The following FBN1 variants were observed in gnomAD, a reference collection of about 807,000 sequenced individuals.
The protein encoded by FBN1 is fibrillin-1.
FBN1 carries 29 observed loss-of-function variants against 365.1 expected under a neutral mutation model. The ratio of observed to expected loss-of-function variants is 0.08; its 90% CI spans 0.06 to 0.11. The LOEUF (loss-of-function observed/expected upper bound fraction) is 0.11, where lower values mean the gene tolerates loss of function less well. FBN1 is among the 10% of genes least tolerant of loss of function. FBN1 has a pLI of 1.00. For missense variants in FBN1, 2,476 were observed against 3,703.2 expected, an observed-to-expected ratio of 0.67 and a Z score of 8.60; for synonymous variants, 1,210 against 1,270.5, an observed-to-expected ratio of 0.95 and a Z score of 1.01.
intron 42 of FBN1, 96 bp from the exon 43 acceptor site, chr15:48,460,413 G>A: frequency 6.5e-6 from 5 of 769,298 alleles, no homozygotes; most frequent in Non-Finnish European, 1.2e-5. Flanking sequence ...TTCTTGAAAG[G>A]TATTTGTCTG....
chr15:48,637,038 A>G (rs558044925), intron 2 of FBN1, among the ~76,000 whole-genome samples: 9 of 152,282 alleles, frequency 5.9e-5, no homozygotes, highest in African/African-American at 2.2e-4. Flanking sequence ...GTAAGTTTGA[A>G]TATATATGGA....
In FBN1 at chr15:48,420,627, G is replaced by C. The variant is rs1597512506; in HGVS notation, c.7819+60C>G. 2.5e-6 allele frequency: 4 copies of C among 1,603,134 alleles called. No homozygotes were observed. In the East Asian group the frequency reaches 8.9e-5, roughly 36 times the overall value. ...CATTTACAGCTTCAGAAAGCAAGCA[G>C]TGTTTTGCTTCATAGGACCTGATAG... On this transcript the variant is annotated intron_variant, in intron 63 of 65. Transcript: ENST00000316623.
At chr15:48,592,637 CA>C (rs992773032) in intron 6 of FBN1, among the ~76,000 whole-genome samples, 12 of 151,864 alleles carry the variant, frequency 7.9e-5, no homozygotes, top group African/African-American at 2.9e-4. Context: ...AAGAAAACCA[CA>C]AATGTGAACT....
intron 42 of FBN1, among the ~76,000 whole-genome samples, chr15:48,461,346 T>C (rs967819441): frequency 6.6e-6 from 1 of 152,144 alleles, no homozygotes; most frequent in African/African-American, 2.4e-5. Context: ...TTTCTAAAAG[T>C]AAATGTTAGT....
At chr15:48,546,334 T>C (rs2044093021) in intron 6 of FBN1, among the ~76,000 whole-genome samples, 1 of 152,188 alleles carries the variant, frequency 6.6e-6, no homozygotes, top group African/African-American at 2.4e-5. Context: ...AATAATTGGG[T>C]ACACCTGCCT....
At chr15:48,605,581 G>C (rs2044600883) in intron 4 of FBN1, among the ~76,000 whole-genome samples, 1 of 152,142 alleles carries the variant, frequency 6.6e-6, no homozygotes, top group Non-Finnish European at 1.5e-5. Flanking sequence ...ATTAGCATCT[G>C]GGCAAAAGAG....
At chr15:48,468,131 T>G in intron 37 of FBN1, 29 bp from the exon 38 acceptor site, 1 of 1,613,534 alleles carries the variant, frequency 6.2e-7, no homozygotes, top group African/African-American at 1.3e-5. Flanking sequence ...CACAAAAGCA[T>G]CAGGCAGAAT....
At chr15:48,558,496 T>A (rs1006897746) in intron 6 of FBN1, among the ~76,000 whole-genome samples, 2 of 151,088 alleles carry the variant, frequency 1.3e-5, no homozygotes, top group Non-Finnish European at 2.9e-5. Context: ...CAAAGCATAG[T>A]TTTTTTTGTT....
Position 48,437,784 on chromosome 15 carries a change from G to A in FBN1, c.6297C>T (p.Cys2099=). The change falls in exon 51 of 66, where the codon TGC becomes TGT. Residue 2099 remains cysteine, a synonymous_variant. Transcript: ENST00000316623. ...CAGACATACCATCAGGTTCCGTGGG[G>A]CAGAGCTCGCAGGGGTCTCCCCAGC... The part of the protein sequence containing the change: ...GEGWGDPCEL[C]PTEPDEAFRQ... The A allele has an allele frequency of 1.2e-6, 2 of 1,613,772 alleles. No homozygotes were observed. The highest frequency in any genetic ancestry group is 1.7e-6 in the Non-Finnish European group (2 of 1,179,828).
intron 2 of FBN1, among the ~76,000 whole-genome samples, chr15:48,626,938 A>T (rs1035692293): frequency 3.3e-5 from 5 of 152,178 alleles, no homozygotes; most frequent in African/African-American, 1.2e-4. Context: ...CTATCAAGAA[A>T]ATGTATTGGT....
chr15:48,572,541 C>G (rs1354774470), intron 6 of FBN1, among the ~76,000 whole-genome samples: 1 of 151,150 alleles, frequency 6.6e-6, no homozygotes, highest in South Asian at 2.1e-4. Flanking sequence ...AAAACAAAGA[C>G]CCCTCAAAGA....
At chr15:48,445,638 T>C (rs1325994775) in intron 47 of FBN1, 134 bp from the exon 48 acceptor site, 1 of 896,018 alleles carries the variant, frequency 1.1e-6, no homozygotes, top group Non-Finnish European at 1.8e-6. Context: ...AAACAAGAAA[T>C]GCCAATGAAG....
At chr15:48,540,565 C>G (rs989522300) in intron 6 of FBN1, among the ~76,000 whole-genome samples, 18 of 152,060 alleles carry the variant, frequency 1.2e-4, no homozygotes, top group Non-Finnish European at 1.5e-5. Flanking sequence ...GCCTCTAATT[C>G]TTCATTATTA....
At position 48,521,932 on chromosome 15, in the gene FBN1, G is replaced by C. The variant is rs150711018; in HGVS notation, c.989-1115C>G. ...TGTTAGGAACTGGGCTGTACAGCAGGGGGTGAGCGGCAGGTGAATGAGTGA... is the reference window on the plus strand; with the variant it reads ...TGTTAGGAACTGGGCTGTACAGCAGCGGGTGAGCGGCAGGTGAATGAGTGA... On this transcript the variant is annotated intron_variant, in intron 9 of 65. Coordinates refer to ENST00000316623, the MANE Select transcript of FBN1 (RefSeq NM_000138.5). Among the ~76,000 whole-genome samples the C allele has an allele frequency of 6.4e-3, 982 of 152,320 alleles. 14 individuals are homozygous for C. The highest frequency in any genetic ancestry group is 0.023 in the African/African-American group (950 of 41,574).
intron 5 of FBN1, among the ~76,000 whole-genome samples, chr15:48,597,980 C>T (rs2044528716): frequency 6.6e-6 from 1 of 152,304 alleles, no homozygotes; most frequent in South Asian, 2.1e-4. Context: ...GCAGCCCCTC[C>T]TGATTCTCCT....
chr15:48,626,399 G>A (rs150388278), intron 2 of FBN1, among the ~76,000 whole-genome samples: 1 of 152,116 alleles, frequency 6.6e-6, no homozygotes, highest in Admixed American at 6.6e-5. Flanking sequence ...TGGAGTACGA[G>A]AGTGAAATTC....
intron 6 of FBN1, among the ~76,000 whole-genome samples, chr15:48,580,069 T>C (rs1045703378): frequency 5.9e-5 from 9 of 152,168 alleles, no homozygotes; most frequent in Non-Finnish European, 2.9e-5. Context: ...TTTCCACCCT[T>C]CTTGGTATTT....
chr15:48,419,249 C>T (rs748140940), intron 63 of FBN1, among the ~76,000 whole-genome samples: 6 of 152,130 alleles, frequency 3.9e-5, no homozygotes, highest in African/African-American at 1.2e-4. Flanking sequence ...ATGATCTTCA[C>T]GAGACCAGAG....
chr15:48,412,891 A>G, intron 64 of FBN1, 148 bp from the exon 65 acceptor site: 1 of 916,860 alleles, frequency 1.1e-6, no homozygotes, highest in Non-Finnish European at 1.7e-6. Flanking sequence ...TGAGAACTAC[A>G]TTGAGGTCCT....
Sources: allele counts gnomAD v4.1 joint callset (sites outside exome capture counted in the v4.1 genomes callset), GRCh38; gene constraint gnomAD v4.1.1; transcripts MANE v1.5; gene names NCBI Gene and HGNC (gene_info 2026-07-23, HGNC 2026-07-21).